The following WDFY4 variants were observed in gnomAD, a reference collection of about 807,000 sequenced individuals.
WDFY4 encodes WDFY family member 4, also known as WD repeat- and FYVE domain-containing protein 4.
Under a neutral mutation model 351.9 loss-of-function variants are expected in WDFY4, and 169 were observed. The ratio of observed to expected loss-of-function variants is 0.48; its 90% CI spans 0.42 to 0.55. The LOEUF (loss-of-function observed/expected upper bound fraction) is 0.55. Ranked by LOEUF, WDFY4 falls within the 20% of genes least tolerant of loss-of-function variation. The pLI, the probability that WDFY4 is intolerant of heterozygous loss-of-function variation, is 0.00. For missense variants in WDFY4, 3,803 were observed against 3,935.6 expected (o/e 0.97, Z 0.90); for synonymous variants, 1,622 against 1,574.6 (o/e 1.03, Z -0.71).
Position 48,981,472 on chromosome 10 carries a change from T to G in WDFY4, c.9482T>G (p.Val3161Gly). The G allele has an allele frequency of 6.4e-7, 1 of 1,551,616 alleles. No homozygotes were observed. The highest frequency in any genetic ancestry group is 8.7e-7 in the Non-Finnish European group (1 of 1,146,912). The change falls in exon 61 of 62, where the codon GTG (valine) becomes GGG (glycine). Residue 3161 changes from valine (V) to glycine (G), a missense_variant. By Grantham distance (109) the Val-to-Gly change is moderately radical. Transcript: ENST00000325239. ...AGCCCCGCAGTGACTGCTCTGGCCG[T>G]GTCCAGGTAAGCGCGGCCTTGTTTC... is the stretch of plus-strand genomic sequence containing the variant. The part of the protein sequence containing the change: ...KTSPAVTALA[V>G]SRNHTKLLVG...
chr10:48,740,775 T>C (rs1372527188), intron 11 of WDFY4, among the ~76,000 whole-genome samples: 1 of 152,210 alleles, frequency 6.6e-6, no homozygotes, highest in Non-Finnish European at 1.5e-5. Context: ...CTGCCCCCTT[T>C]AGTGGGTGGC....
rs71026224 is a variant in WDFY4, at chr10:48,768,723, A to AAGAGAGAGAGAGAGAGAG, written c.2554-5719_2554-5702dup. Among the ~76,000 whole-genome samples the AAGAGAGAGAGAGAGAGAG allele has an allele frequency of 2.6e-3, 360 of 141,038 alleles. 3 individuals carry two copies. Among genetic ancestry groups the AAGAGAGAGAGAGAGAGAG allele is most frequent in the East Asian group, 7.8e-3 (34 of 4,336 alleles). 92.5% of individuals were successfully genotyped at this position (141,038 alleles called of 152,430 possible). ...CGGTGTTGTGGGGGTGGGAGAGGAG[A>AAGAGAGAGAGAGAGAGAG]AGAGAGAGAGAGAGAGAGAGAGAGA... On this transcript the variant is annotated intron_variant, in intron 13 of 61. Transcript: ENST00000325239.
chr10:48,746,027 G>A, intron 12 of WDFY4: 1 of 168,990 alleles, frequency 5.9e-6, no homozygotes. Flanking sequence ...CTCTCGCAGC[G>A]CACCACCACC....
chr10:48,711,119 T>C (rs1044187524), intron 2 of WDFY4, among the ~76,000 whole-genome samples: 1 of 152,228 alleles, frequency 6.6e-6, no homozygotes, highest in Non-Finnish European at 1.5e-5. Context: ...TGAATATATT[T>C]CCTCTAACTT....
In WDFY4 at chr10:48,800,175, C is replaced by T. The variant is rs192929442; in HGVS notation, c.4411-3111C>T. On this transcript the variant is annotated intron_variant, in intron 24 of 61. Coordinates refer to ENST00000325239, the MANE Select transcript of WDFY4 (RefSeq NM_001394531.1). ...CTGGGATTACAAGCGTGAGCCACCGCGCCCAGCCGGTTTCGTGTTTTAAGA... is the reference window on the plus strand; with the variant it reads ...CTGGGATTACAAGCGTGAGCCACCGTGCCCAGCCGGTTTCGTGTTTTAAGA... Among the ~76,000 whole-genome samples the T allele has an allele frequency of 7.9e-5, 12 of 152,308 alleles. No homozygotes were observed. In the East Asian group the frequency reaches 1.5e-3, roughly 20 times the overall value.
At position 48,806,099 on chromosome 10, in the gene WDFY4, A is replaced by G; in HGVS notation, c.4738+4A>G. ...GCCCTGGACCCTTCCCTGCCTGGTG[A>G]GAAGACCTTTGCCAGTTCGAAGGCA... On this transcript the variant is annotated splice_donor_region_variant and intron_variant, in intron 27 of 61. Coordinates refer to ENST00000325239, the MANE Select transcript of WDFY4 (RefSeq NM_001394531.1). The G allele has an allele frequency of 6.4e-7, 1 of 1,551,604 alleles. No homozygotes were observed.
chr10:48,795,562 A>G (rs998378298), intron 23 of WDFY4, among the ~76,000 whole-genome samples: 18 of 146,716 alleles, frequency 1.2e-4, no homozygotes, highest in Admixed American at 1.2e-3. Context: ...CTGGAAAGAT[A>G]TTGAGTCTTT....
chr10:48,882,254 C>T (rs2070282361), intron 43 of WDFY4, among the ~76,000 whole-genome samples: 2 of 152,188 alleles, frequency 1.3e-5, no homozygotes, highest in Admixed American at 6.5e-5. Flanking sequence ...GAGCAGGCTG[C>T]CACAACACCA....
chr10:48,899,301 A>T (rs1422411777), intron 45 of WDFY4, among the ~76,000 whole-genome samples: 2 of 152,202 alleles, frequency 1.3e-5, no homozygotes, highest in Non-Finnish European at 2.9e-5. Context: ...TGTAGAAAAA[A>T]ATCCAAGAGT....
chr10:48,941,252 A>G (rs762964746), intron 47 of WDFY4, among the ~76,000 whole-genome samples: 7 of 152,184 alleles, frequency 4.6e-5, no homozygotes, highest in Non-Finnish European at 1.0e-4. Flanking sequence ...GTACGATGTG[A>G]TCCCATGTAT....
At chr10:48,949,957 A>G (rs181763573) in intron 51 of WDFY4, among the ~76,000 whole-genome samples, 137 of 152,274 alleles carry the variant, frequency 9.0e-4, no homozygotes, top group Middle Eastern at 3.4e-3. Context: ...CTGATTGCTC[A>G]TTAAGCACCT....
chr10:48,953,192 A>G (rs1422313654), intron 51 of WDFY4, among the ~76,000 whole-genome samples: 1 of 152,138 alleles, frequency 6.6e-6, no homozygotes, highest in Admixed American at 6.5e-5. Context: ...TCAGGGCCCA[A>G]GCCCAGGATT....
chr10:48,970,696 C>T (rs532693309), intron 57 of WDFY4, among the ~76,000 whole-genome samples: 7 of 152,322 alleles, frequency 4.6e-5, no homozygotes, highest in Admixed American at 1.3e-4. Context: ...GATTTTTACA[C>T]GGATTGCCTC....
At position 48,786,735 on chromosome 10, in the gene WDFY4, A is replaced by G. The variant is rs1233886383; in HGVS notation, c.3673A>G (p.Lys1225Glu). 1 of 1,552,378 alleles carries G rather than the reference A, an allele frequency of 6.4e-7. No individual in the cohort carries two copies. Among genetic ancestry groups the G allele is most frequent in the South Asian group, 1.2e-5 (1 of 84,062 alleles). Residue 1225 changes from lysine (K) to glutamate (E), a missense_variant, in exon 20 of 62, where the codon AAA becomes GAA. This residue lies in a region of WDFY4 where 3,054 missense variants were observed against 3,148.6 expected (regional missense o/e 0.97). Transcript: ENST00000325239. ...ATATATTGCTACTCCTCGAGTCTGGAAACAAAAGTCTTCATTAATCTGGCG... is the reference window on the plus strand; with the variant it reads ...ATATATTGCTACTCCTCGAGTCTGGGAACAAAAGTCTTCATTAATCTGGCG... ...YGYIATPRVW[K>E]QKSSLIWRLG...
intron 39 of WDFY4, among the ~76,000 whole-genome samples, chr10:48,843,543 T>C (rs991534518): frequency 3.3e-5 from 5 of 152,016 alleles, no homozygotes; most frequent in African/African-American, 9.7e-5. Flanking sequence ...AATAAATAAA[T>C]AACAGTAGAT....
chr10:48,775,375 C>A (rs557456803), intron 14 of WDFY4, among the ~76,000 whole-genome samples: 90 of 152,306 alleles, frequency 5.9e-4, no homozygotes, highest in African/African-American at 2.0e-3. Context: ...ACATGGGACC[C>A]AGGGGCGGGC....
intron 51 of WDFY4, among the ~76,000 whole-genome samples, chr10:48,953,771 T>C (rs1841457314): frequency 6.6e-6 from 1 of 152,230 alleles, no homozygotes; most frequent in Non-Finnish European, 1.5e-5. Flanking sequence ...TATCTGTGCA[T>C]CTTGGTTTCC....
intron 47 of WDFY4, among the ~76,000 whole-genome samples, chr10:48,939,828 T>C (rs1177540071): frequency 6.6e-6 from 1 of 152,216 alleles, no homozygotes; most frequent in African/African-American, 2.4e-5. Flanking sequence ...TTGAAGCTGA[T>C]AGCCAATGAA....
chr10:48,845,873 C>T (rs1367076878), intron 39 of WDFY4, among the ~76,000 whole-genome samples: 1 of 152,156 alleles, frequency 6.6e-6, no homozygotes, highest in African/African-American at 2.4e-5. Context: ...CTCCAGCTTC[C>T]TGAATGCCAC....
Sources: gnomAD v4.1 joint callset for allele counts (sites outside exome capture counted in the v4.1 genomes callset) on GRCh38, gnomAD v4.1.1 for gene constraint, gnomAD v4.1.1 regional missense constraint, MANE v1.5 for transcripts, NCBI Gene and HGNC (gene_info 2026-07-23, HGNC 2026-07-21) for gene names.